The following PRKCE variants were observed in gnomAD, a reference collection of about 807,000 sequenced individuals.
The protein encoded by PRKCE is protein kinase C epsilon type.
In PRKCE, 16 loss-of-function variants were observed where a neutral mutation model predicts 85.4. The ratio of observed to expected loss-of-function variants is 0.19; its 90% confidence interval spans 0.13 to 0.28. The LOEUF (loss-of-function observed/expected upper bound fraction) is 0.28. PRKCE is among the 10% of genes least tolerant of loss of function. The probability of loss-of-function intolerance (pLI) is 1.00; values close to 1 mark genes in which losing one functional copy is unlikely to be tolerated. For missense variants in PRKCE, 573 were observed against 975.2 expected, an observed-to-expected ratio of 0.59 and a Z score of 5.49; for synonymous variants, 388 against 371.5, an observed-to-expected ratio of 1.04 and a Z score of -0.51.
intron 2 of PRKCE, among the ~76,000 whole-genome samples, chr2:45,948,006 C>G (rs555146285): frequency 6.6e-6 from 1 of 152,308 alleles, no homozygotes; most frequent in East Asian, 1.9e-4. Flanking sequence ...CCACCCCATC[C>G]TAGACCATGT....
chr2:45,776,129 C>G (rs753282567), intron 1 of PRKCE, among the ~76,000 whole-genome samples: 3 of 152,194 alleles, frequency 2.0e-5, no homozygotes, highest in Non-Finnish European at 2.9e-5. Flanking sequence ...TCTGAAAGAT[C>G]ATATAATTTA....
intron 14 of PRKCE, among the ~76,000 whole-genome samples, chr2:46,160,238 G>C (rs1428197016): frequency 6.6e-6 from 1 of 152,160 alleles, no homozygotes; most frequent in Non-Finnish European, 1.5e-5. Flanking sequence ...GGAGCTTCTG[G>C]GAGGCCCACT....
intron 11 of PRKCE, among the ~76,000 whole-genome samples, chr2:46,143,534 G>T (rs766505534): frequency 6.6e-6 from 1 of 152,084 alleles, no homozygotes; most frequent in Non-Finnish European, 1.5e-5. Context: ...AAGCAGGAGC[G>T]TGTCATTCTG....
chr2:46,015,855 T>A (rs921452145), intron 10 of PRKCE, among the ~76,000 whole-genome samples: 3 of 152,158 alleles, frequency 2.0e-5, no homozygotes, highest in Non-Finnish European at 4.4e-5. Context: ...CCACTACTAC[T>A]CCGAAGGAGT....
At chr2:45,909,857 G>T (rs538455518) in intron 2 of PRKCE, among the ~76,000 whole-genome samples, 17 of 152,278 alleles carry the variant, frequency 1.1e-4, no homozygotes, top group Admixed American at 1.0e-3. Context: ...GGGCAGACAC[G>T]TGGCCAACAA....
At position 45,654,166 on chromosome 2, in the gene PRKCE, G is replaced by C. The variant is rs1358272882; in HGVS notation, c.348+1718G>C. Among the ~76,000 whole-genome samples, 7 of 152,246 alleles carry C rather than the reference G, an allele frequency of 4.6e-5. No homozygotes were observed. In the East Asian group the frequency reaches 1.3e-3, roughly 29 times the overall value. ...TGAGGGGCTTGGACAGTGGGGCAGA[G>C]AGCAGGGATGAGGAGCAGCAGGTCT... On this transcript the variant is annotated intron_variant, in intron 1 of 14. Coordinates refer to ENST00000306156, the MANE Select transcript of PRKCE (RefSeq NM_005400.3).
rs148321782 is a variant in PRKCE at position 45,973,748 on chromosome 2, C to T, written c.413-2681C>T. Among the ~76,000 whole-genome samples the T allele has an allele frequency of 1.3e-4, 20 of 152,278 alleles. No individual in the cohort carries two copies. The East Asian group carries it at 3.5e-3, about 26-fold the overall frequency. The stretch of plus-strand genomic sequence containing the variant: ...GGATTGATGTCAACACAGTTTAGAA[C>T]GATTGGTTTCATTGCTCGTCATTTC... On this transcript the variant is annotated intron_variant, in intron 2 of 14. Coordinates refer to ENST00000306156, the MANE Select transcript of PRKCE (RefSeq NM_005400.3).
chr2:45,789,050 C>T (rs774199715), intron 1 of PRKCE, among the ~76,000 whole-genome samples: 4 of 152,098 alleles, frequency 2.6e-5, no homozygotes, highest in Non-Finnish European at 5.9e-5. Context: ...TGGAGAACCA[C>T]CCACTTAGAC....
chr2:46,123,214 C>CTTT lies in PRKCE; in HGVS notation c.1593-21852_1593-21850dup, dbSNP rs70937991. 2.2e-3 allele frequency among the ~76,000 whole-genome samples: 59 copies of CTTT among 27,372 alleles called. 13 individuals are homozygous for CTTT. Among genetic ancestry groups the CTTT allele is most frequent in the African/African-American group, 6.2e-3 (49 of 7,912 alleles). The allele number at this position is 27,372 out of a possible 152,430, so 18.0% of individuals were successfully genotyped here. On this transcript the variant is annotated intron_variant, in intron 11 of 14. Transcript: ENST00000306156. Reference sequence around the variant, plus strand: ...AAGCTTTACAAAGGAAAACACTTGCCTTTTTTTTTTTTTTTTTTTTTTTTT... The same window carrying CTTT: ...AAGCTTTACAAAGGAAAACACTTGCCTTTTTTTTTTTTTTTTTTTTTTTTTTTT...
At chr2:46,102,617 G>T (rs1012540577) in intron 11 of PRKCE, among the ~76,000 whole-genome samples, 1 of 152,094 alleles carries the variant, frequency 6.6e-6, no homozygotes, top group Admixed American at 6.5e-5. Flanking sequence ...ACATTTAGTT[G>T]TCATGTCTCC....
chr2:45,961,686 T>G (rs1341933296), intron 2 of PRKCE, among the ~76,000 whole-genome samples: 3 of 140,918 alleles, frequency 2.1e-5, no homozygotes, highest in African/African-American at 8.5e-5. Flanking sequence ...GCTACTCCAT[T>G]GCCAGGATTC....
chr2:45,707,761 G>T (rs1365699478), intron 1 of PRKCE, among the ~76,000 whole-genome samples: 2 of 152,214 alleles, frequency 1.3e-5, no homozygotes, highest in Non-Finnish European at 2.9e-5. Flanking sequence ...AATAGCTCCT[G>T]CATCCTCCCA....
At chr2:46,117,082 C>G (rs1672849259) in intron 11 of PRKCE, among the ~76,000 whole-genome samples, 1 of 152,174 alleles carries the variant, frequency 6.6e-6, no homozygotes, top group South Asian at 2.1e-4. Context: ...AATTGACTAT[C>G]AAAAGTACTG....
intron 1 of PRKCE, among the ~76,000 whole-genome samples, chr2:45,672,445 T>TCCAG (rs774482166): frequency 3.9e-5 from 6 of 152,134 alleles, no homozygotes; most frequent in South Asian, 2.1e-4. Context: ...CATCCATCCA[T>TCCAG]CCAGCCAGCC....
intron 2 of PRKCE, among the ~76,000 whole-genome samples, chr2:45,949,631 C>T (rs990219137): frequency 1.3e-5 from 2 of 151,752 alleles, no homozygotes; most frequent in East Asian, 3.8e-4. Flanking sequence ...ATCTAAATGA[C>T]ACAAATGCTT....
At chr2:45,745,315 AC>A (rs1683051261) in intron 1 of PRKCE, among the ~76,000 whole-genome samples, 1 of 152,074 alleles carries the variant, frequency 6.6e-6, no homozygotes, top group Admixed American at 6.5e-5. Context: ...TGACAGGCCC[AC>A]CCCAACTTTC....
At position 46,138,940 on chromosome 2, in the gene PRKCE, A is replaced by G. The variant is rs1378411925; in HGVS notation, c.1593-6153A>G. On this transcript the variant is annotated intron_variant, in intron 11 of 14. Coordinates refer to ENST00000306156, the MANE Select transcript of PRKCE (RefSeq NM_005400.3). The surrounding 1 kb of genome is among the most constrained non-coding windows in gnomAD (Gnocchi z 4.2). ...AGAGCCTGGTTCTTATCACCTTCCT[A>G]TAGCCCACATCCCAGTTGGCTCTTG... Among the ~76,000 whole-genome samples the G allele has an allele frequency of 6.6e-6, 1 of 152,140 alleles. No homozygotes were observed. The highest frequency in any genetic ancestry group is 1.5e-5 in the Non-Finnish European group (1 of 68,022).
chr2:45,790,382 C>A (rs1331571822), intron 1 of PRKCE, among the ~76,000 whole-genome samples: 1 of 152,208 alleles, frequency 6.6e-6, no homozygotes, highest in African/African-American at 2.4e-5. Flanking sequence ...GAAAAACACA[C>A]ACGTGTGTTC....
intron 2 of PRKCE, among the ~76,000 whole-genome samples, chr2:45,936,367 A>G (rs893916552): frequency 2.6e-5 from 4 of 152,192 alleles, no homozygotes; most frequent in African/African-American, 7.2e-5. Flanking sequence ...TTAGAAAGTA[A>G]GGGGAAACCT....
Sources: gnomAD v4.1 joint callset for allele counts (sites outside exome capture counted in the v4.1 genomes callset) on GRCh38, gnomAD v4.1.1 for gene constraint, Gnocchi (gnomAD v3.1) non-coding constraint, MANE v1.5 for transcripts, NCBI Gene and HGNC (gene_info 2026-07-23, HGNC 2026-07-21) for gene names.